IMPG2: variants seen among roughly 807,000 people sequenced by gnomAD.
IMPG2 encodes IPM 200.
IMPG2 carries 91 observed loss-of-function variants against 129.2 expected under a neutral mutation model. The ratio of observed to expected loss-of-function variants is 0.70; its 90% confidence interval spans 0.59 to 0.84. The LOEUF is 0.84. Ranked by LOEUF, IMPG2 falls within the 40% of genes least tolerant of loss-of-function variation. The pLI is 0.00. For synonymous variants in IMPG2, 510 were observed against 517.7 expected (o/e 0.99, Z 0.20); for missense variants, 1,430 against 1,461.7 (o/e 0.98, Z 0.35).
intron 14 of IMPG2, among the ~76,000 whole-genome samples, chr3:101,236,982 G>A (rs562774829): frequency 1.3e-5 from 2 of 152,308 alleles, no homozygotes; most frequent in South Asian, 2.1e-4. Context: ...AATTCTTGCT[G>A]CCAGCACAGC....
chr3:101,317,166 T>C (rs2058789400), intron 2 of IMPG2, among the ~76,000 whole-genome samples: 1 of 152,046 alleles, frequency 6.6e-6, no homozygotes, highest in Admixed American at 6.6e-5. Context: ...ACTATAATGA[T>C]GGTTTCAAGG....
rs193184150 is a variant in IMPG2 at position 101,282,198 on chromosome 3, T to G, written c.534-5485A>C. Among the ~76,000 whole-genome samples, 578 of 152,236 alleles carry G rather than the reference T, an allele frequency of 3.8e-3. 1 individual carries two copies. The highest frequency in any genetic ancestry group is 6.0e-3 in the Non-Finnish European group (408 of 68,008). ...TGCTGAAAAAAATATATATTTGGCT[T>G]TGTGGTCCATGGAAATCGTGGGCAA... On this transcript the variant is annotated intron_variant, in intron 4 of 18. Transcript: ENST00000193391.
At chr3:101,256,762 C>A (rs575573841) in intron 10 of IMPG2, among the ~76,000 whole-genome samples, 1 of 152,056 alleles carries the variant, frequency 6.6e-6, no homozygotes, top group Non-Finnish European at 1.5e-5. Flanking sequence ...ACTTCCATAA[C>A]GTATATTCCA....
intron 11 of IMPG2, among the ~76,000 whole-genome samples, chr3:101,248,776 C>T (rs955175979): frequency 6.6e-5 from 10 of 152,190 alleles, no homozygotes; most frequent in African/African-American, 2.4e-4. Context: ...AACATCATTT[C>T]CTGCCTTGTC....
intron 14 of IMPG2, among the ~76,000 whole-genome samples, chr3:101,242,174 C>G (rs1309019167): frequency 6.6e-6 from 1 of 152,038 alleles, no homozygotes; most frequent in Non-Finnish European, 1.5e-5. Context: ...AAGAAGAGCT[C>G]ACTCATAGCT....
intron 11 of IMPG2, among the ~76,000 whole-genome samples, chr3:101,248,216 G>A (rs1706503956): frequency 6.6e-6 from 1 of 152,150 alleles, no homozygotes; most frequent in Non-Finnish European, 1.5e-5. Context: ...AATCATGGGG[G>A]CAGGTCTTTC....
chr3:101,264,421 C>T (rs1056204365), intron 9 of IMPG2, among the ~76,000 whole-genome samples: 4 of 152,028 alleles, frequency 2.6e-5, no homozygotes, highest in Admixed American at 6.6e-5. Context: ...AAGGATGATA[C>T]ATCACATCAG....
At chr3:101,247,183 T>A (rs1018300699) in intron 11 of IMPG2, among the ~76,000 whole-genome samples, 1 of 152,222 alleles carries the variant, frequency 6.6e-6, no homozygotes, top group African/African-American at 2.4e-5. Flanking sequence ...CAGTCTATTC[T>A]GGATTCTGAA....
At chr3:101,275,526 C>A in intron 6 of IMPG2, 137 bp downstream of exon 6, 1 of 696,402 alleles carries the variant, frequency 1.4e-6, no homozygotes, top group Admixed American at 2.2e-5. Flanking sequence ...TTTTAATGTA[C>A]TGGTTTTAGG....
At chr3:101,242,567 T>C in intron 14 of IMPG2, 121 bp downstream of exon 14, 1 of 758,110 alleles carries the variant, frequency 1.3e-6, no homozygotes, top group South Asian at 1.5e-5. Flanking sequence ...GGAAGATTTG[T>C]CTGACATAGT....
chr3:101,316,223 T>C lies in IMPG2; in HGVS notation c.334+3361A>G, dbSNP rs563240328. Among the ~76,000 whole-genome samples the C allele has an allele frequency of 3.3e-5, 5 of 152,070 alleles. No homozygotes were observed. In the East Asian group the frequency reaches 7.7e-4, roughly 23 times the overall value. ...GGGTTAGCAAACTAAGATCAAAAAC[T>C]AAAAGGATGCTCCCCCAAAAAGCCT... is the stretch of plus-strand genomic sequence containing the variant. On this transcript the variant is annotated intron_variant, in intron 2 of 18. Coordinates refer to ENST00000193391, the MANE Select transcript of IMPG2 (RefSeq NM_016247.4).
At chr3:101,249,794 CAA>C (rs11393591) in intron 11 of IMPG2, among the ~76,000 whole-genome samples, 28 of 92,706 alleles carry the variant, frequency 3.0e-4, no homozygotes, top group Admixed American at 6.0e-4. Context: ...TGATTCATGT[CAA>C]AAAAAAAAAA....
chr3:101,250,037 C>G (rs903754434), intron 11 of IMPG2, among the ~76,000 whole-genome samples: 1 of 152,032 alleles, frequency 6.6e-6, no homozygotes, highest in Non-Finnish European at 1.5e-5. Flanking sequence ...ATGATCACAC[C>G]ACTGCACTCC....
rs5851267 is a variant in IMPG2, at chr3:101,269,926, C to CTTTT, written c.829-357_829-354dup. Among the ~76,000 whole-genome samples, 111 of 106,950 alleles carry CTTTT rather than the reference C, an allele frequency of 1.0e-3. 1 individual carries two copies. The highest frequency in any genetic ancestry group is 2.8e-3 in the African/African-American group (81 of 29,332). 70.2% of individuals were successfully genotyped at this position (106,950 alleles called of 152,430 possible). ...TAATAGCATTTTATTTTATTTTATT[C>CTTTT]TTTTTTTTTTTTTTTTTTTTTTGAG... On this transcript the variant is annotated intron_variant, in intron 7 of 18. Coordinates refer to ENST00000193391, the MANE Select transcript of IMPG2 (RefSeq NM_016247.4).
chr3:101,260,590 C>T (rs1259107459), intron 9 of IMPG2, among the ~76,000 whole-genome samples: 1 of 152,140 alleles, frequency 6.6e-6, no homozygotes, highest in Non-Finnish European at 1.5e-5. Flanking sequence ...TAGGCACCTG[C>T]TCTGGTTCTG....
chr3:101,303,021 A>T (rs500480), intron 3 of IMPG2, among the ~76,000 whole-genome samples: 1 of 152,096 alleles, frequency 6.6e-6, no homozygotes, highest in South Asian at 2.1e-4. Flanking sequence ...GAATAGGATA[A>T]TATATTTTAT....
Position 101,274,312 on chromosome 3 carries a change from CAAAA to C in IMPG2, c.667-574_667-571del, listed in dbSNP as rs200755406. The stretch of plus-strand genomic sequence containing the variant: ...TAATTAGTAGAATAAAAAGAAAGAA[CAAAA>C]ATACTGAAAAGCAGCATACAGGTCA... On this transcript the variant is annotated intron_variant, in intron 6 of 18. Transcript: ENST00000193391. Among the ~76,000 whole-genome samples, 593 of 151,982 alleles carry C rather than the reference CAAAA, an allele frequency of 3.9e-3. 8 individuals are homozygous for C. The highest frequency in any genetic ancestry group is 0.014 in the African/African-American group (575 of 41,486).
intron 2 of IMPG2, among the ~76,000 whole-genome samples, chr3:101,305,950 AT>A (rs1707184849): frequency 1.3e-5 from 2 of 152,192 alleles, no homozygotes; most frequent in Non-Finnish European, 2.9e-5. Flanking sequence ...AGAAAGTTAG[AT>A]TTAACAGAGA....
intron 3 of IMPG2, among the ~76,000 whole-genome samples, chr3:101,298,945 G>A (rs1707111608): frequency 6.6e-6 from 1 of 152,278 alleles, no homozygotes; most frequent in Middle Eastern, 3.4e-3. Flanking sequence ...ATGTTGGCCT[G>A]TCTTGCTAGG....
Sources: allele counts gnomAD v4.1 joint callset (sites outside exome capture counted in the v4.1 genomes callset), GRCh38; gene constraint gnomAD v4.1.1; transcripts MANE v1.5; gene names NCBI Gene and HGNC (gene_info 2026-07-23, HGNC 2026-07-21).